Variants in USF3 observed in about 807,000 individuals in gnomAD.
The protein encoded by USF3 is upstream transcription factor family member 3, also known as basic helix-loop-helix domain-containing protein USF3.
A neutral mutation model predicts 157.5 loss-of-function variants in USF3; 29 were observed. That is an observed-to-expected ratio of 0.18 (90% CI 0.14 to 0.25). The LOEUF (loss-of-function observed/expected upper bound fraction) is 0.25. Among genes scored for constraint, USF3 ranks in the 10% least tolerant of loss-of-function variants. USF3 has a pLI of 1.00. For missense variants in USF3, 2,381 were observed against 2,667.6 expected, an observed-to-expected ratio of 0.89 and a Z score of 2.37; for synonymous variants, 893 against 941.4, an observed-to-expected ratio of 0.95 and a Z score of 0.94.
intron 1 of USF3, among the ~76,000 whole-genome samples, chr3:113,682,727 C>T (rs138250244): frequency 0.011 from 1,645 of 152,032 alleles, 32 homozygotes; most frequent in African/African-American, 0.037. Context: ...TGTCTTTTTT[C>T]ATAGTTTTTG....
rs376264534 is a variant in USF3, at chr3:113,659,620, T to C, written c.2062A>G (p.Met688Val). 5 of 1,614,158 alleles carry C rather than the reference T, an allele frequency of 3.1e-6. No homozygotes were observed. The highest frequency in any genetic ancestry group is 2.2e-5 in the South Asian group (2 of 91,078). The change falls in exon 7 of 7, where the codon ATG becomes GTG. Residue 688 changes from methionine to valine, a missense_variant. Physicochemically the swap from Met to Val is conservative, Grantham distance 21. Around this residue, in one of 6 missense-constraint regions of USF3, gnomAD observed 1,435 missense variants for 1,550.9 expected, o/e 0.93. Transcript: ENST00000316407. Reference protein sequence around the residue: ...SSSGTTNQTPMQIIQPTTSED... With the variant: ...SSSGTTNQTPVQIIQPTTSED... ...CTGGTGGTGGGTTGAATAATTTGCATAGGGGTTTGATTTGTAGTTCCTGAT... is the reference window on the plus strand; with the variant it reads ...CTGGTGGTGGGTTGAATAATTTGCACAGGGGTTTGATTTGTAGTTCCTGAT...
Position 113,661,029 on chromosome 3 carries a change from G to C in USF3, c.653C>G (p.Ala218Gly), listed in dbSNP as rs369170614. 3 of 1,614,046 alleles carry C rather than the reference G, an allele frequency of 1.9e-6. No homozygotes were observed. Among genetic ancestry groups the C allele is most frequent in the African/African-American group, 1.3e-5 (1 of 74,940 alleles). The change falls in exon 7 of 7, where the codon GCT becomes GGT. Residue 218 changes from alanine (A) to glycine (G), a missense_variant. Ala to Gly is a moderately conservative substitution (Grantham distance 60). Around this residue, in one of 6 missense-constraint regions of USF3, gnomAD observed 1,435 missense variants for 1,550.9 expected, o/e 0.93. Transcript: ENST00000316407. ...PWHQTTVPAL[A>G]TNQPVPLCLP... ...ACAAAGAGGAACAGGCTGGTTGGTA[G>C]CCAATGCAGGAACTGTGGTCTGATG...
intron 1 of USF3, among the ~76,000 whole-genome samples, chr3:113,686,925 C>T (rs74587085): frequency 0.018 from 2,774 of 152,210 alleles, 74 homozygotes; most frequent in African/African-American, 0.061. Context: ...TTACTATTTT[C>T]CCCTTTTTGT....
chr3:113,663,474 TATTTAACTAAAAGTAAAC>T (rs1559713278), intron 6 of USF3, among the ~76,000 whole-genome samples: 1 of 152,246 alleles, frequency 6.6e-6, no homozygotes, highest in Non-Finnish European at 1.5e-5. Flanking sequence ...AAGCTGCTAA[TATTTAACTAAAAGTAAAC>T]AAGGAGAATT....
At chr3:113,674,457 C>T (rs1233979799) in intron 3 of USF3, among the ~76,000 whole-genome samples, 1 of 152,088 alleles carries the variant, frequency 6.6e-6, no homozygotes, top group Non-Finnish European at 1.5e-5. Context: ...ATTCTCCTGC[C>T]TCAGCCTCCC....
rs762867052 is a variant in USF3, at chr3:113,655,254, A to G, written c.6428T>C (p.Val2143Ala). The G allele has an allele frequency of 6.2e-7, 1 of 1,614,188 alleles. No homozygotes were observed. Among genetic ancestry groups the G allele is most frequent in the Non-Finnish European group, 8.5e-7 (1 of 1,180,006 alleles). ...QMFSNPSTEKVNSGSLNNRFG... is the reference protein window; with the variant it reads ...QMFSNPSTEKANSGSLNNRFG... ...TCGGTTATTTAAACTTCCACTGTTT[A>G]CCTTCTCTGTGCTAGGATTTGAGAA... Residue 2143 changes from valine (V) to alanine (A), a missense_variant, in exon 7 of 7, where the codon GTA (valine) becomes GCA (alanine). By Grantham distance (64) the Val-to-Ala change is moderately conservative. Around this residue, in one of 6 missense-constraint regions of USF3, gnomAD observed 770 missense variants for 824.2 expected, o/e 0.93. Coordinates refer to ENST00000316407, the MANE Select transcript of USF3 (RefSeq NM_001009899.4).
At position 113,656,795 on chromosome 3, in the gene USF3, C is replaced by G; in HGVS notation, c.4887G>C (p.Arg1629Ser). 6.2e-7 allele frequency: 1 copy of G among 1,614,180 alleles called. No homozygotes were observed. The highest frequency in any genetic ancestry group is 8.5e-7 in the Non-Finnish European group (1 of 1,180,028). ...GCTCTAAGCCTCTTGATGTCAAAAG[C>G]CTCTGCATTGGATTATGGCCAGATA... is the stretch of plus-strand genomic sequence containing the variant. ...EHVSGHNPMQRLLTSRGLEQQ... is the reference protein window; with the variant it reads ...EHVSGHNPMQSLLTSRGLEQQ... The change falls in exon 7 of 7, where the codon AGG (arginine) becomes AGC (serine). Residue 1629 changes from arginine (R) to serine (S), a missense_variant. Arg to Ser is a moderately radical substitution (Grantham distance 110). Coordinates refer to ENST00000316407, the MANE Select transcript of USF3 (RefSeq NM_001009899.4).
intron 1 of USF3, among the ~76,000 whole-genome samples, chr3:113,687,433 T>G (rs903701109): frequency 1.3e-5 from 2 of 152,200 alleles, no homozygotes; most frequent in African/African-American, 4.8e-5. Context: ...CTGTCCTCAT[T>G]GCTACTGGGG....
rs1442061200 is a variant in USF3, at chr3:113,658,625, T to C, written c.3057A>G (p.Lys1019=). 1.2e-6 allele frequency: 2 copies of C among 1,613,862 alleles called. No individual in the cohort carries two copies. Among genetic ancestry groups the C allele is most frequent in the Admixed American group, 3.3e-5 (2 of 59,986 alleles). ...GATCCATCTGATCAGAAAGAGATGA[T>C]TTCTGAGGGTTTTTTTTTTTAGCAA... The part of the protein sequence containing the change: ...SDLAKKKNPQ[K]SSLSDQMDHP... Residue 1019 remains lysine (K), a synonymous_variant, in exon 7 of 7, where the codon AAA becomes AAG. Coordinates refer to ENST00000316407, the MANE Select transcript of USF3 (RefSeq NM_001009899.4).
At position 113,684,257 on chromosome 3, in the gene USF3, C is replaced by A. The variant is rs1179347999; in HGVS notation, c.-134-6860G>T. Among the ~76,000 whole-genome samples, 4 of 151,624 alleles carry A rather than the reference C, an allele frequency of 2.6e-5. No homozygotes were observed. In the East Asian group the frequency reaches 7.7e-4, roughly 29 times the overall value. ...AAATGCTTTATATCTCATTTTTTTTCTTTTCCTTGCTGCTCTTAGGATCCT... is the reference window on the plus strand; with the variant it reads ...AAATGCTTTATATCTCATTTTTTTTATTTTCCTTGCTGCTCTTAGGATCCT... On this transcript the variant is annotated intron_variant, in intron 1 of 6. Transcript: ENST00000316407.
rs1219075486 is a variant in USF3, at chr3:113,655,883, G to A, written c.5799C>T (p.Gly1933=). ...MRITESHATK[G]HMNPPVTTNM... is the part of the protein sequence containing the mutation. The stretch of plus-strand genomic sequence containing the variant: ...TGGTTGTGACTGGAGGGTTCATGTG[G>A]CCCTTGGTGGCATGACTCTCAGTAA... The change falls in exon 7 of 7, where the codon GGC becomes GGT. Residue 1933 remains glycine, a synonymous_variant. Transcript: ENST00000316407. 1.9e-6 allele frequency: 3 copies of A among 1,614,148 alleles called. No individual in the cohort carries two copies. Among genetic ancestry groups the A allele is most frequent in the Non-Finnish European group, 2.5e-6 (3 of 1,180,032 alleles).
intron 1 of USF3, among the ~76,000 whole-genome samples, chr3:113,691,532 T>C (rs1199572051): frequency 6.6e-6 from 1 of 152,146 alleles, no homozygotes; most frequent in Non-Finnish European, 1.5e-5. Flanking sequence ...ATTCCTGAAA[T>C]CTGATAGGAC....
intron 1 of USF3, among the ~76,000 whole-genome samples, chr3:113,680,053 CTTTTTT>C (rs71131103): frequency 3.8e-4 from 22 of 58,636 alleles, no homozygotes; most frequent in East Asian, 1.2e-3. Flanking sequence ...CTGTAGTTTT[CTTTTTT>C]TTTTTTTTTT....
chr3:113,672,920 C>T (rs140978520), intron 4 of USF3, among the ~76,000 whole-genome samples: 19 of 152,274 alleles, frequency 1.2e-4, no homozygotes, highest in African/African-American at 4.6e-4. Context: ...TTGAGGACTC[C>T]AGAACTTAAT....
chr3:113,672,940 T>C (rs1315766570), intron 4 of USF3, among the ~76,000 whole-genome samples: 1 of 152,216 alleles, frequency 6.6e-6, no homozygotes, highest in Non-Finnish European at 1.5e-5. Flanking sequence ...TTTAAGACTG[T>C]TCACATTACA....
chr3:113,693,417 C>T (rs747783374), intron 1 of USF3, among the ~76,000 whole-genome samples: 10 of 152,062 alleles, frequency 6.6e-5, no homozygotes, highest in East Asian at 1.9e-4. Flanking sequence ...ACAACTGTTA[C>T]GGGGCCACGG....
Position 113,657,126 on chromosome 3 carries a change from A to G in USF3, c.4556T>C (p.Val1519Ala). Residue 1519 changes from valine (V) to alanine (A), a missense_variant, in exon 7 of 7, where the codon GTT becomes GCT. Coordinates refer to ENST00000316407, the MANE Select transcript of USF3 (RefSeq NM_001009899.4). ...VHQQRTLQQE[V>A]QMQKKRNLVQ... is the part of the protein sequence containing the mutation. ...AAGATTCCTCTTTTTCTGCATCTGA[A>G]CTTCCTGTTGCAGAGTCCTCTGTTG... 1.2e-6 allele frequency: 2 copies of G among 1,614,016 alleles called. No homozygotes were observed. The highest frequency in any genetic ancestry group is 2.2e-5 in the East Asian group (1 of 44,880).
chr3:113,653,039 G>C lies in USF3; in HGVS notation c.*1905C>G. 1 of 462,696 alleles carries C rather than the reference G, an allele frequency of 2.2e-6. No homozygotes were observed. Among genetic ancestry groups the C allele is most frequent in the East Asian group, 5.6e-5 (1 of 17,764 alleles). 28.7% of individuals were successfully genotyped at this position (462,696 alleles called of 1,614,324 possible). A position where few individuals can be genotyped will look rare whatever the true frequency, so the allele number is the denominator to read the frequency against. ...GTTGCACCTAACGACACTCCAGCCT[G>C]GGTGACAGAGTCTCAAAAAAAAAAG... On this transcript the variant is annotated 3_prime_UTR_variant, in exon 7 of 7. Coordinates refer to ENST00000316407, the MANE Select transcript of USF3 (RefSeq NM_001009899.4).
In USF3 at chr3:113,658,607, C is replaced by T. The variant is rs1287320272; in HGVS notation, c.3075G>A (p.Gln1025=). 1 of 1,612,820 alleles carries T rather than the reference C, an allele frequency of 6.2e-7. No individual in the cohort carries two copies. Among genetic ancestry groups the T allele is most frequent in the Non-Finnish European group, 8.5e-7 (1 of 1,179,572 alleles). Residue 1025 remains glutamine, a synonymous_variant, in exon 7 of 7, where the codon CAG becomes CAA. Transcript: ENST00000316407. Reference sequence around the variant, plus strand: ...CTGAAGAAAAGTCAGGATGATCCATCTGATCAGAAAGAGATGATTTCTGAG... The same window carrying T: ...CTGAAGAAAAGTCAGGATGATCCATTTGATCAGAAAGAGATGATTTCTGAG... ...KNPQKSSLSD[Q]MDHPDFSSEN...
Sources: allele counts gnomAD v4.1 joint callset (sites outside exome capture counted in the v4.1 genomes callset), GRCh38; gene constraint gnomAD v4.1.1; regional missense constraint gnomAD v4.1.1; transcripts MANE v1.5; gene names NCBI Gene and HGNC (gene_info 2026-07-23, HGNC 2026-07-21).